The following MAN1A1 variants were observed in gnomAD, a reference collection of about 807,000 sequenced individuals.
MAN1A1 encodes mannosyl-oligosaccharide 1,2-alpha-mannosidase IA.
In MAN1A1, 29 loss-of-function variants were observed where a neutral mutation model predicts 70.8. The ratio of observed to expected loss-of-function variants is 0.41; its 90% CI spans 0.31 to 0.56. The LOEUF is 0.56. Ranked by LOEUF, MAN1A1 falls within the 20% of genes least tolerant of loss-of-function variation. The probability of loss-of-function intolerance (pLI) is 0.29; values close to 1 mark genes in which losing one functional copy is unlikely to be tolerated. For synonymous variants in MAN1A1, 349 were observed against 330.1 expected, an observed-to-expected ratio of 1.06 and a Z score of -0.62; for missense variants, 747 against 841.3, an observed-to-expected ratio of 0.89 and a Z score of 1.39.
intron 6 of MAN1A1, among the ~76,000 whole-genome samples, chr6:119,207,639 T>C (rs1773908558): frequency 2.0e-5 from 3 of 152,234 alleles, no homozygotes; most frequent in Admixed American, 1.3e-4. Flanking sequence ...GGAGATGAAC[T>C]GAATGATTTC....
chr6:119,225,717 A>C (rs1262658918), intron 6 of MAN1A1, among the ~76,000 whole-genome samples: 1 of 152,240 alleles, frequency 6.6e-6, no homozygotes, highest in African/African-American at 2.4e-5. Flanking sequence ...ATGAACAGCC[A>C]TAAGACGCAA....
At chr6:119,195,129 G>A (rs1431864388) in intron 8 of MAN1A1, among the ~76,000 whole-genome samples, 2 of 152,040 alleles carry the variant, frequency 1.3e-5, no homozygotes, top group Non-Finnish European at 2.9e-5. Flanking sequence ...ACTGCGCCTG[G>A]CCCAGAGTTC....
intron 5 of MAN1A1, among the ~76,000 whole-genome samples, chr6:119,272,457 C>A (rs1775950469): frequency 6.6e-6 from 1 of 152,164 alleles, no homozygotes; most frequent in Admixed American, 6.5e-5. Flanking sequence ...CTATGCCTTT[C>A]CTAACACCTT....
intron 11 of MAN1A1, among the ~76,000 whole-genome samples, chr6:119,182,775 A>G (rs1009400700): frequency 2.0e-5 from 3 of 152,194 alleles, no homozygotes; most frequent in Non-Finnish European, 4.4e-5. Context: ...AAGAAAATGT[A>G]AACAAGATAT....
intron 5 of MAN1A1, among the ~76,000 whole-genome samples, chr6:119,286,144 C>G (rs1464914775): frequency 1.3e-5 from 2 of 152,088 alleles, no homozygotes; most frequent in East Asian, 3.9e-4. Context: ...CAGAATCAGG[C>G]AGGAGACAGA....
chr6:119,306,929 T>A lies in MAN1A1; in HGVS notation c.667A>T (p.Ile223Leu), dbSNP rs1288947232. ...YAWGLNELKP[I>L]SKGGHSSSLF... ...CTGCTTGAATGGCCTCCTTTTGATA[T>A]AGGTTTGAGTTCATTTAATCCCCAG... Residue 223 changes from isoleucine to leucine, a missense_variant, in exon 3 of 13, where the codon ATA becomes TTA. Physicochemically the swap from Ile to Leu is conservative, Grantham distance 5 (BLOSUM62 2). Transcript: ENST00000368468. The A allele has an allele frequency of 6.3e-7, 1 of 1,599,780 alleles. No individual in the cohort carries two copies. Among genetic ancestry groups the A allele is most frequent in the African/African-American group, 1.3e-5 (1 of 74,558 alleles).
intron 5 of MAN1A1, among the ~76,000 whole-genome samples, chr6:119,271,586 G>C (rs556753629): frequency 1.3e-5 from 2 of 151,602 alleles, no homozygotes; most frequent in Non-Finnish European, 2.9e-5. Flanking sequence ...TGCAACCTCC[G>C]CCTCCTGGGT....
intron 5 of MAN1A1, among the ~76,000 whole-genome samples, chr6:119,280,721 C>CA (rs1211668395): frequency 4.6e-5 from 7 of 152,208 alleles, no homozygotes; most frequent in Admixed American, 4.6e-4. Context: ...CACTCACAGG[C>CA]AAAAATCTGT....
At chr6:119,331,105 A>T (rs195069) in intron 2 of MAN1A1, among the ~76,000 whole-genome samples, 27,456 of 152,026 alleles carry the variant, frequency 0.18, 2,821 homozygotes, top group Admixed American at 0.29. Context: ...TTAAAAAAAA[A>T]TTATTTGGGT....
chr6:119,204,799 T>C lies in MAN1A1; in HGVS notation c.1076A>G (p.His359Arg). The change falls in exon 7 of 13, where the codon CAC (histidine) becomes CGC (arginine). Residue 359 changes from histidine (H) to arginine (R), a missense_variant. This residue lies in a region of MAN1A1 where 419 missense variants were observed against 548.2 expected (regional missense o/e 0.76). Transcript: ENST00000368468. ...GGGGTTTCCTGATAAGTGGCTCAAGTGCATAAACTCCAAATGCAGGGTTCC... is the reference window on the plus strand; with the variant it reads ...GGGGTTTCCTGATAAGTGGCTCAAGCGCATAAACTCCAAATGCAGGGTTCC... ...EFGTLHLEFM[H>R]LSHLSGNPIF... The C allele has an allele frequency of 6.2e-7, 1 of 1,614,026 alleles. No individual in the cohort carries two copies. The highest frequency in any genetic ancestry group is 8.5e-7 in the Non-Finnish European group (1 of 1,179,908).
At chr6:119,275,251 C>G (rs1439215172) in intron 5 of MAN1A1, among the ~76,000 whole-genome samples, 4 of 126,694 alleles carry the variant, frequency 3.2e-5, no homozygotes, top group Admixed American at 9.4e-5. Flanking sequence ...GCTGGGATTG[C>G]AGGCATGCAC....
At chr6:119,261,047 C>A (rs989789305) in intron 5 of MAN1A1, among the ~76,000 whole-genome samples, 1 of 135,250 alleles carries the variant, frequency 7.4e-6, no homozygotes, top group African/African-American at 2.8e-5. Context: ...GGTGCGATCT[C>A]GGCTCACTGC....
At chr6:119,337,370 C>T (rs1325097395) in intron 2 of MAN1A1, among the ~76,000 whole-genome samples, 1 of 152,160 alleles carries the variant, frequency 6.6e-6, no homozygotes, top group African/African-American at 2.4e-5. Context: ...GATTACTTAG[C>T]GCGAAATCAC....
At chr6:119,326,788 C>T (rs753355915) in intron 2 of MAN1A1, among the ~76,000 whole-genome samples, 2 of 152,180 alleles carry the variant, frequency 1.3e-5, no homozygotes, top group African/African-American at 2.4e-5. Flanking sequence ...ATTACCTCCA[C>T]CTGGCCTCTC....
chr6:119,344,190 A>G (rs1390683249), intron 2 of MAN1A1, among the ~76,000 whole-genome samples: 2 of 152,200 alleles, frequency 1.3e-5, no homozygotes, highest in Non-Finnish European at 2.9e-5. Flanking sequence ...CTCTTTTCAC[A>G]CTTTTAACTA....
intron 5 of MAN1A1, among the ~76,000 whole-genome samples, chr6:119,276,638 A>G (rs1333892746): frequency 6.6e-6 from 1 of 152,246 alleles, no homozygotes; most frequent in East Asian, 1.9e-4. Flanking sequence ...TGTATTATAC[A>G]GTGTTCTTTC....
intron 4 of MAN1A1, among the ~76,000 whole-genome samples, chr6:119,298,438 C>T (rs996586098): frequency 6.6e-6 from 1 of 152,024 alleles, no homozygotes; most frequent in Non-Finnish European, 1.5e-5. Context: ...TTATTTTATA[C>T]TTTTCAGTGA....
At chr6:119,340,494 A>G (rs1438431041) in intron 2 of MAN1A1, among the ~76,000 whole-genome samples, 1 of 152,194 alleles carries the variant, frequency 6.6e-6, no homozygotes, top group Non-Finnish European at 1.5e-5. Flanking sequence ...AGAAATGGAG[A>G]CACTAGCAAT....
chr6:119,201,479 A>T, intron 7 of MAN1A1, 132 bp from the exon 8 acceptor site: 1 of 637,652 alleles, frequency 1.6e-6, no homozygotes, highest in Non-Finnish European at 2.8e-6. Context: ...TTAGCTTATT[A>T]TTACAAACAT....
Sources: allele counts gnomAD v4.1 joint callset (sites outside exome capture counted in the v4.1 genomes callset), GRCh38; gene constraint gnomAD v4.1.1; regional missense constraint gnomAD v4.1.1; transcripts MANE v1.5; gene names NCBI Gene and HGNC (gene_info 2026-07-23, HGNC 2026-07-21).